IVNS1ABP: variants seen among roughly 807,000 people sequenced by gnomAD.
The protein encoded by IVNS1ABP is influenza virus NS1A-binding protein.
In IVNS1ABP, 25 loss-of-function variants were observed where a neutral mutation model predicts 78.9. That is an observed-to-expected ratio of 0.32 (90% CI 0.23 to 0.44). IVNS1ABP has a LOEUF of 0.44. Ranked by LOEUF, IVNS1ABP falls within the 20% of genes least tolerant of loss-of-function variation. The pLI is 1.00. For missense variants in IVNS1ABP, 494 were observed against 768.9 expected (o/e 0.64, Z 4.23); for synonymous variants, 241 against 259.7 (o/e 0.93, Z 0.69).
In IVNS1ABP at chr1:185,296,549, A is replaced by T. The variant is rs1033359609; in HGVS notation, c.*1486T>A. 5 of 152,140 alleles carry T rather than the reference A, an allele frequency of 3.3e-5. No individual in the cohort carries two copies. Among genetic ancestry groups the T allele is most frequent in the African/African-American group, 1.2e-4 (5 of 41,446 alleles). The allele number at this position is 152,140 out of a possible 1,614,324, so 9.4% of individuals were successfully genotyped here. A position where few individuals can be genotyped will look rare whatever the true frequency, so the allele number is the denominator to read the frequency against. On this transcript the variant is annotated 3_prime_UTR_variant, in exon 15 of 15. Transcript: ENST00000367498. The stretch of plus-strand genomic sequence containing the variant: ...ATAGTTAGGAATTACAGAGTTACCA[A>T]CCAAACTGATTTGCTTTCCTGGTGG...
At chr1:185,303,117 T>C (rs1665643570) in intron 8 of IVNS1ABP, among the ~76,000 whole-genome samples, 1 of 152,038 alleles carries the variant, frequency 6.6e-6, no homozygotes, top group African/African-American at 2.4e-5. Flanking sequence ...GAAGAAGGGA[T>C]CCAAATATCA....
At chr1:185,307,356 T>C (rs775498076) in intron 6 of IVNS1ABP, 133 bp downstream of exon 6, 8 of 880,366 alleles carry the variant, frequency 9.1e-6, no homozygotes, top group Non-Finnish European at 1.4e-5. Flanking sequence ...GAGAAACCCA[T>C]TACGCTGCTA....
chr1:185,309,649 C>T (rs75550229), intron 2 of IVNS1ABP, 138 bp from the exon 3 acceptor site: 8,687 of 585,286 alleles, frequency 0.015, 582 homozygotes, highest in African/African-American at 0.15. Flanking sequence ...CACACAAAAA[C>T]TTAGCTGAAA....
intron 1 of IVNS1ABP, among the ~76,000 whole-genome samples, chr1:185,311,598 C>T (rs575222813): frequency 6.6e-6 from 1 of 151,020 alleles, no homozygotes; most frequent in Non-Finnish European, 1.5e-5. Context: ...TATAAAAGCA[C>T]AAGACTACAA....
intron 6 of IVNS1ABP, 117 bp from the exon 7 acceptor site, chr1:185,307,256 A>G (rs1665763372): frequency 3.1e-6 from 4 of 1,279,134 alleles, no homozygotes; most frequent in Admixed American, 4.9e-5. Flanking sequence ...CATTTACTCT[A>G]ATTTGTAAGG....
chr1:185,297,843 CCTT>C lies in IVNS1ABP; in HGVS notation c.*189_*191del, dbSNP rs1478529564. Reference sequence around the variant, plus strand: ...AAGTCTTAAAAGTACACAAAACAGACCTTCATCTTTGCATTCCTTTCCAAATAA... The same window carrying C: ...AAGTCTTAAAAGTACACAAAACAGACCATCTTTGCATTCCTTTCCAAATAA... On this transcript the variant is annotated 3_prime_UTR_variant, in exon 15 of 15. Coordinates refer to ENST00000367498, the MANE Select transcript of IVNS1ABP (RefSeq NM_006469.5). 1.2e-5 allele frequency: 7 copies of C among 560,660 alleles called. No individual in the cohort carries two copies. The highest frequency in any genetic ancestry group is 2.9e-5 in the East Asian group (1 of 34,510). The allele number at this position is 560,660 out of a possible 1,614,324, so 34.7% of individuals were successfully genotyped here. A position where few individuals can be genotyped will look rare whatever the true frequency, so the allele number is the denominator to read the frequency against.
intron 8 of IVNS1ABP, 158 bp from the exon 9 acceptor site, chr1:185,301,721 A>G (rs1665605551): frequency 3.0e-6 from 2 of 657,744 alleles, no homozygotes; most frequent in Non-Finnish European, 5.0e-6. Flanking sequence ...AAATGACACA[A>G]ATTACTGGCA....
chr1:185,311,031 C>T (rs1028265433), intron 2 of IVNS1ABP, 64 bp downstream of exon 2: 4 of 322,960 alleles, frequency 1.2e-5, no homozygotes, highest in African/African-American at 2.1e-5. Context: ...TTACTGTACT[C>T]GACATCCGTC....
At position 185,297,844 on chromosome 1, in the gene IVNS1ABP, C is replaced by A; in HGVS notation, c.*191G>T. ...AGTCTTAAAAGTACACAAAACAGACCTTCATCTTTGCATTCCTTTCCAAAT... is the reference window on the plus strand; with the variant it reads ...AGTCTTAAAAGTACACAAAACAGACATTCATCTTTGCATTCCTTTCCAAAT... On this transcript the variant is annotated 3_prime_UTR_variant, in exon 15 of 15. Transcript: ENST00000367498. The A allele has an allele frequency of 9.0e-6, 5 of 557,302 alleles. No individual in the cohort carries two copies. The highest frequency in any genetic ancestry group is 5.3e-5 in the South Asian group (2 of 37,612). The allele number at this position is 557,302 out of a possible 1,614,324, so 34.5% of individuals were successfully genotyped here.
At chr1:185,300,166 T>A (rs1665534450) in intron 12 of IVNS1ABP, 36 bp from the exon 13 acceptor site, 1 of 1,604,624 alleles carries the variant, frequency 6.2e-7, no homozygotes. Flanking sequence ...ATATTGATAA[T>A]TTAATTATCA....
intron 14 of IVNS1ABP, 85 bp downstream of exon 14, chr1:185,299,625 T>G: frequency 8.1e-7 from 1 of 1,238,824 alleles, no homozygotes; most frequent in East Asian, 2.3e-5. Context: ...ACTGTACAAC[T>G]ATAGTCATTG....
At chr1:185,316,408 G>T (rs943174162) in intron 1 of IVNS1ABP, among the ~76,000 whole-genome samples, 1 of 152,154 alleles carries the variant, frequency 6.6e-6, no homozygotes, top group African/African-American at 2.4e-5. Context: ...GGCCCACGGC[G>T]ATCGGGGACT....
chr1:185,305,738 T>C lies in IVNS1ABP; in HGVS notation c.658-95A>G. 7.3e-7 allele frequency: 1 copy of C among 1,378,188 alleles called. No homozygotes were observed. Among genetic ancestry groups the C allele is most frequent in the South Asian group, 1.3e-5 (1 of 75,950 alleles). The allele number at this position is 1,378,188 out of a possible 1,614,324, so 85.4% of individuals were successfully genotyped here. On this transcript the variant is annotated intron_variant, in intron 7 of 14. Transcript: ENST00000367498. The surrounding 1 kb of genome is among the most constrained non-coding windows in gnomAD (Gnocchi z 4.0). ...ACAAACGCCTCAAGGTAACCTCCAGTGTGCTTCTTGAGCTTCTTGACATAT... is the reference window on the plus strand; with the variant it reads ...ACAAACGCCTCAAGGTAACCTCCAGCGTGCTTCTTGAGCTTCTTGACATAT...
Position 185,298,709 on chromosome 1 carries a change from AAGACTCAGAAG to A in IVNS1ABP, c.1676-432_1676-422del, listed in dbSNP as rs1440697312. On this transcript the variant is annotated intron_variant, in intron 14 of 14. Transcript: ENST00000367498. This position sits in a 1 kb window ranked among gnomAD's most constrained non-coding sequence, Gnocchi z 4.1. Reference sequence around the variant, plus strand: ...TTATATCAGCCCAATGTACAGAATTAAGACTCAGAAGAGATTATAGGAAAGCAGAAAAATAT... The same window carrying A: ...TTATATCAGCCCAATGTACAGAATTAAGATTATAGGAAAGCAGAAAAATAT... The A allele has an allele frequency of 5.7e-6, 1 of 175,150 alleles. No homozygotes were observed. Among genetic ancestry groups the A allele is most frequent in the Non-Finnish European group, 1.2e-5 (1 of 81,638 alleles). The allele number at this position is 175,150 out of a possible 1,614,324, so 10.8% of individuals were successfully genotyped here.
chr1:185,298,411 C>T lies in IVNS1ABP; in HGVS notation c.1676-123G>A. The T allele has an allele frequency of 5.9e-6, 5 of 847,406 alleles. No individual in the cohort carries two copies. The highest frequency in any genetic ancestry group is 3.3e-4 in the Middle Eastern group (1 of 3,034). The allele number at this position is 847,406 out of a possible 1,614,324, so 52.5% of individuals were successfully genotyped here. A position where few individuals can be genotyped will look rare whatever the true frequency, so the allele number is the denominator to read the frequency against. The stretch of plus-strand genomic sequence containing the variant: ...AAATAGAAATGCCTGTTCATTTTGT[C>T]AAAAAGAATTTATTAAATGCCTAAT... On this transcript the variant is annotated intron_variant, in intron 14 of 14. Transcript: ENST00000367498. The surrounding 1 kb of genome is among the most constrained non-coding windows in gnomAD (Gnocchi z 4.1).
chr1:185,315,179 T>G (rs1038575137), intron 1 of IVNS1ABP, among the ~76,000 whole-genome samples: 2 of 152,240 alleles, frequency 1.3e-5, no homozygotes, highest in Admixed American at 1.3e-4. Flanking sequence ...TGAAATGACT[T>G]ACTTAGTGTT....
Position 185,305,420 on chromosome 1 carries a change from C to G in IVNS1ABP, c.765+116G>C, listed in dbSNP as rs747251588. 48 of 1,065,788 alleles carry G rather than the reference C, an allele frequency of 4.5e-5. No homozygotes were observed. Among genetic ancestry groups the G allele is most frequent in the Non-Finnish European group, 2.4e-5 (18 of 740,730 alleles). 66.0% of individuals were successfully genotyped at this position (1,065,788 alleles called of 1,614,324 possible). A position where few individuals can be genotyped will look rare whatever the true frequency, so the allele number is the denominator to read the frequency against. On this transcript the variant is annotated intron_variant, in intron 8 of 14. Transcript: ENST00000367498. The surrounding 1 kb of genome is among the most constrained non-coding windows in gnomAD (Gnocchi z 4.0). Reference sequence around the variant, plus strand: ...TGTTTTCTCCCAAAAATGTTTCTGTCCAGTTATACCAATGAAATTGGTCCA... The same window carrying G: ...TGTTTTCTCCCAAAAATGTTTCTGTGCAGTTATACCAATGAAATTGGTCCA...
In IVNS1ABP at chr1:185,296,737, TTC is replaced by T. The variant is rs1665428821; in HGVS notation, c.*1296_*1297del. The T allele has an allele frequency of 6.6e-6, 1 of 152,146 alleles. No individual in the cohort carries two copies. The highest frequency in any genetic ancestry group is 6.6e-5 in the Admixed American group (1 of 15,262). 9.4% of individuals were successfully genotyped at this position (152,146 alleles called of 1,614,324 possible). On this transcript the variant is annotated 3_prime_UTR_variant, in exon 15 of 15. Transcript: ENST00000367498. Reference sequence around the variant, plus strand: ...CCATTAGGTTCCTGTGTGCTTCATCTTCTGTGAGAAAAAAAAACCTTATATCA... The same window carrying T: ...CCATTAGGTTCCTGTGTGCTTCATCTTGTGAGAAAAAAAAACCTTATATCA...
chr1:185,301,915 A>G (rs1665612329), intron 8 of IVNS1ABP, among the ~76,000 whole-genome samples: 3 of 152,292 alleles, frequency 2.0e-5, no homozygotes, highest in South Asian at 4.1e-4. Context: ...ATAAATTTAA[A>G]ATAGTGTGAA....
Sources: allele counts gnomAD v4.1 joint callset (sites outside exome capture counted in the v4.1 genomes callset), GRCh38; gene constraint gnomAD v4.1.1; non-coding constraint Gnocchi (gnomAD v3.1); transcripts MANE v1.5; gene names NCBI Gene and HGNC (gene_info 2026-07-23, HGNC 2026-07-21).